The following SH3KBP1 variants were observed in gnomAD, a reference collection of about 807,000 sequenced individuals.
SH3KBP1 encodes SH3 domain containing kinase binding protein 1.
In SH3KBP1, 8 loss-of-function variants were observed where a neutral mutation model predicts 50.1. The observed-to-expected ratio is 0.16, with a 90% CI of 0.09 to 0.29. The LOEUF (loss-of-function observed/expected upper bound fraction) is 0.29, where lower values mean the gene tolerates loss of function less well. Ranked by LOEUF, SH3KBP1 falls within the 10% of genes least tolerant of loss-of-function variation. The probability of loss-of-function intolerance (pLI) is 1.00; values close to 1 mark genes in which losing one functional copy is unlikely to be tolerated. For missense variants in SH3KBP1, 377 were observed against 535.2 expected (o/e 0.70, Z 2.92); for synonymous variants, 227 against 218.6 (o/e 1.04, Z -0.34).
chrX:19,610,292 A>C (rs1373773627), intron 8 of SH3KBP1, among the ~76,000 whole-genome samples: 1 of 111,876 alleles, frequency 8.9e-6, no homozygotes, highest in East Asian at 2.8e-4. Flanking sequence ...TCTTCAAAGA[A>C]GGGATTTATG....
chrX:19,589,812 A>G (rs1171326746), intron 11 of SH3KBP1, among the ~76,000 whole-genome samples: 2 of 108,854 alleles, frequency 1.8e-5, no homozygotes, highest in East Asian at 5.8e-4. Flanking sequence ...GGTTGGCAAA[A>G]GGTTAAAAAA....
rs756748941 is a variant in SH3KBP1 at position 19,671,704 on chromosome X, T to C, written c.726+12119A>G. ...ACAACTTATTCAACCTTTGTTCATCTCAGTTTCCTTATCTATAAAATGGGG... is the reference window on the plus strand; with the variant it reads ...ACAACTTATTCAACCTTTGTTCATCCCAGTTTCCTTATCTATAAAATGGGG... On this transcript the variant is annotated intron_variant, in intron 6 of 17. Transcript: ENST00000397821. Among the ~76,000 whole-genome samples the C allele has an allele frequency of 1.1e-4, 12 of 112,112 alleles. No homozygotes were observed. The South Asian group carries it at 4.4e-3, about 41-fold the overall frequency.
At chrX:19,783,132 A>G (rs1296417262) in intron 2 of SH3KBP1, among the ~76,000 whole-genome samples, 2 of 111,751 alleles carry the variant, frequency 1.8e-5, no homozygotes, top group African/African-American at 6.5e-5. Flanking sequence ...AAACAATAAC[A>G]AAATGACCAT....
At chrX:19,575,343 G>A (rs778245950) in intron 12 of SH3KBP1, among the ~76,000 whole-genome samples, 21 of 111,694 alleles carry the variant, frequency 1.9e-4, no homozygotes, top group Non-Finnish European at 3.6e-4. Flanking sequence ...TTGTCAGGGA[G>A]GGGCTTCTGA....
intron 6 of SH3KBP1, among the ~76,000 whole-genome samples, chrX:19,672,928 G>A (rs1337095406): frequency 1.0e-5 from 1 of 98,346 alleles, no homozygotes; most frequent in East Asian, 3.2e-4. Context: ...CTGGTGGCAG[G>A]TGCCTGTAAT....
intron 7 of SH3KBP1, among the ~76,000 whole-genome samples, chrX:19,638,098 A>AC (rs904118537): frequency 1.9e-5 from 2 of 105,940 alleles, no homozygotes; most frequent in African/African-American, 6.9e-5. Flanking sequence ...AAAACAAAAA[A>AC]AAACAAACAA....
At chrX:19,568,604 A>G (rs2065917259) in intron 13 of SH3KBP1, among the ~76,000 whole-genome samples, 1 of 111,912 alleles carries the variant, frequency 8.9e-6, no homozygotes, top group African/African-American at 3.2e-5. Context: ...ATTTACCCAG[A>G]GAGACTGTAG....
intron 7 of SH3KBP1, among the ~76,000 whole-genome samples, chrX:19,634,071 T>C (rs2061642523): frequency 1.1e-5 from 1 of 92,925 alleles, no homozygotes; most frequent in Non-Finnish European, 2.1e-5. Flanking sequence ...TGTGTGTGTG[T>C]GTGTGTGTGT....
intron 2 of SH3KBP1, among the ~76,000 whole-genome samples, chrX:19,813,748 TC>T (rs2067276068): frequency 9.0e-6 from 1 of 110,499 alleles, no homozygotes; most frequent in African/African-American, 3.3e-5. Flanking sequence ...AAGGGTGTTA[TC>T]CCCCCAGCCC....
At chrX:19,756,643 T>C (rs1381914263) in intron 2 of SH3KBP1, among the ~76,000 whole-genome samples, 1 of 111,623 alleles carries the variant, frequency 9.0e-6, no homozygotes, top group Non-Finnish European at 1.9e-5. Flanking sequence ...TGACTCAGTA[T>C]TTCTACTCCT....
intron 3 of SH3KBP1, among the ~76,000 whole-genome samples, chrX:19,726,323 A>G: frequency 9.0e-6 from 1 of 111,585 alleles, no homozygotes; most frequent in Admixed American, 9.5e-5. Flanking sequence ...GGCCTTGGAT[A>G]GGTCTTATAA....
At chrX:19,568,966 AC>A (rs1351603011) in intron 13 of SH3KBP1, 136 bp downstream of exon 13, 2 of 520,582 alleles carry the variant, frequency 3.8e-6, no homozygotes, top group Non-Finnish European at 6.7e-6. Flanking sequence ...AAACTGTAAC[AC>A]CTAAAGCCAA....
chrX:19,776,560 T>A (rs1001250763), intron 2 of SH3KBP1, among the ~76,000 whole-genome samples: 4 of 64,363 alleles, frequency 6.2e-5, no homozygotes, highest in Non-Finnish European at 1.2e-4. Context: ...TTTTTTTTTT[T>A]AGAGAGAGAC....
chrX:19,746,126 G>T (rs1197131980), intron 3 of SH3KBP1, among the ~76,000 whole-genome samples, 192 bp downstream of exon 3: 2 of 112,713 alleles, frequency 1.8e-5, no homozygotes. Context: ...ATTTTTATTA[G>T]TTCCCTTTAT....
intron 2 of SH3KBP1, among the ~76,000 whole-genome samples, chrX:19,815,586 G>A (rs1186490139): frequency 9.0e-6 from 1 of 110,913 alleles, no homozygotes; most frequent in Non-Finnish European, 1.9e-5. Context: ...TCAATATACA[G>A]TCAAGATACA....
At chrX:19,735,172 A>C (rs1434846505) in intron 3 of SH3KBP1, among the ~76,000 whole-genome samples, 1 of 111,876 alleles carries the variant, frequency 8.9e-6, no homozygotes, top group Non-Finnish European at 1.9e-5. Flanking sequence ...TTAACTCCTC[A>C]TATAGTAACT....
intron 13 of SH3KBP1, among the ~76,000 whole-genome samples, chrX:19,554,203 T>C (rs1291592991): frequency 9.0e-5 from 7 of 77,572 alleles, no homozygotes; most frequent in African/African-American, 4.0e-4. Flanking sequence ...ATATATCATA[T>C]TAAAATATAA....
chrX:19,767,535 G>A (rs1410502622), intron 2 of SH3KBP1, among the ~76,000 whole-genome samples: 4 of 111,177 alleles, frequency 3.6e-5, no homozygotes, highest in South Asian at 3.8e-4. Flanking sequence ...GAAGCAGCTC[G>A]TATTTATAAA....
rs752742667 is a variant in SH3KBP1, at chrX:19,691,410, T to TTA, written c.520+4200_520+4201dup. On this transcript the variant is annotated intron_variant, in intron 5 of 17. Coordinates refer to ENST00000397821, the MANE Select transcript of SH3KBP1 (RefSeq NM_031892.3). ...ATATATATATATATATTTTCAGGTT[T>TTA]TATATATATATTCAGGTTTATATAT... Among the ~76,000 whole-genome samples the TTA allele has an allele frequency of 8.8e-5, 9 of 102,625 alleles. No individual in the cohort carries two copies. In the East Asian group the frequency reaches 1.8e-3, roughly 20 times the overall value. The allele number at this position is 102,625 out of a possible 115,157, so 89.1% of individuals were successfully genotyped here.
Sources: gnomAD v4.1 joint callset for allele counts (sites outside exome capture counted in the v4.1 genomes callset) on GRCh38, gnomAD v4.1.1 for gene constraint, MANE v1.5 for transcripts, NCBI Gene and HGNC (gene_info 2026-07-23, HGNC 2026-07-21) for gene names.